FREM3: variants seen among roughly 807,000 people sequenced by gnomAD.
The protein encoded by FREM3 is FRAS1 related extracellular matrix 3.
Under a neutral mutation model 129.1 loss-of-function variants are expected in FREM3, and 105 were observed. That is an observed-to-expected ratio of 0.81 (90% CI 0.69 to 0.96). The LOEUF (loss-of-function observed/expected upper bound fraction) is 0.96. Ranked by LOEUF, FREM3 falls within the 40% of genes least tolerant of loss-of-function variation. The pLI, the probability that FREM3 is intolerant of heterozygous loss-of-function variation, is 0.00. For missense variants in FREM3, 2,593 were observed against 2,666.3 expected (o/e 0.97, Z 0.61); for synonymous variants, 1,014 against 1,044.9 (o/e 0.97, Z 0.57).
intron 2 of FREM3, among the ~76,000 whole-genome samples, chr4:143,640,736 A>G (rs1739308801): frequency 6.6e-6 from 1 of 152,144 alleles, no homozygotes; most frequent in African/African-American, 2.4e-5. Context: ...CAGAACCAGT[A>G]CCTATAGTCA....
In FREM3 at chr4:143,698,524, A is replaced by G. The variant is rs1376299706; in HGVS notation, c.2152T>C (p.Tyr718His). 1.3e-6 allele frequency: 2 copies of G among 1,537,612 alleles called. No homozygotes were observed. Among genetic ancestry groups the G allele is most frequent in the African/African-American group, 1.4e-5 (1 of 73,136 alleles). The change falls in exon 1 of 8, where the codon TAC (tyrosine) becomes CAC (histidine). Residue 718 changes from tyrosine (Y) to histidine (H), a missense_variant. By Grantham distance (83) the Tyr-to-His change is moderately conservative (BLOSUM62 2). This residue lies in a region of FREM3 where 2,276 missense variants were observed against 2,267.2 expected (regional missense o/e 1.00). Coordinates refer to ENST00000329798, the MANE Select transcript of FREM3 (RefSeq NM_001168235.2). ...TTCTTCTGGAAGTGAGTGAGTTGGT[A>G]TTCTTGTACAGTCATTTCTAGTGTA... is the stretch of plus-strand genomic sequence containing the variant. ...GTTLEMTVQE[Y>H]QLTHFQKNFL...
chr4:143,619,887 C>T lies in FREM3; in HGVS notation c.5779+1150G>A, dbSNP rs1397121064. On this transcript the variant is annotated intron_variant, in intron 5 of 7. Coordinates refer to ENST00000329798, the MANE Select transcript of FREM3 (RefSeq NM_001168235.2). Reference sequence around the variant, plus strand: ...TGGGGGTATTATTTAAAAAAAAAACCAAAACATTGTTTGGGAGAGGAAGAA... The same window carrying T: ...TGGGGGTATTATTTAAAAAAAAAACTAAAACATTGTTTGGGAGAGGAAGAA... 2.6e-5 allele frequency among the ~76,000 whole-genome samples: 4 copies of T among 151,748 alleles called. 1 individual carries two copies. In the South Asian group the frequency reaches 6.3e-4, roughly 24 times the overall value.
At chr4:143,593,070 G>A (rs1479664203) in intron 6 of FREM3, among the ~76,000 whole-genome samples, 1 of 152,122 alleles carries the variant, frequency 6.6e-6, no homozygotes, top group Non-Finnish European at 1.5e-5. Context: ...TTCTCGTGCT[G>A]TGGTTTTCAG....
chr4:143,621,172 A>T lies in FREM3; in HGVS notation c.5654-10T>A, dbSNP rs1008617796. ...ATATAAACTGTTGATTCTAGAAAAGATGGCAGAAGACTTTTCACCAAGATT... is the reference window on the plus strand; with the variant it reads ...ATATAAACTGTTGATTCTAGAAAAGTTGGCAGAAGACTTTTCACCAAGATT... On this transcript the variant is annotated splice_polypyrimidine_tract_variant and intron_variant, in intron 4 of 7. Transcript: ENST00000329798. 4.6e-6 allele frequency: 7 copies of T among 1,536,722 alleles called. No homozygotes were observed. Among genetic ancestry groups the T allele is most frequent in the Non-Finnish European group, 6.1e-6 (7 of 1,146,628 alleles).
intron 2 of FREM3, 85 bp downstream of exon 2, chr4:143,693,028 G>T (rs1740500705): frequency 5.1e-6 from 3 of 587,080 alleles, no homozygotes; most frequent in Non-Finnish European, 8.5e-6. Flanking sequence ...GCCTATACTT[G>T]CCCAGAAATG....
At chr4:143,667,359 G>T (rs1242566400) in intron 2 of FREM3, among the ~76,000 whole-genome samples, 1 of 151,756 alleles carries the variant, frequency 6.6e-6, no homozygotes, top group African/African-American at 2.4e-5. Context: ...AAATAATTTT[G>T]CCAACTGAGA....
chr4:143,660,067 G>C (rs1310416192), intron 2 of FREM3, among the ~76,000 whole-genome samples: 4 of 149,088 alleles, frequency 2.7e-5, no homozygotes, highest in African/African-American at 9.9e-5. Flanking sequence ...CTTTTGCTGT[G>C]CAGAAGCTCT....
chr4:143,693,233 A>G lies in FREM3; in HGVS notation c.5186-31T>C, dbSNP rs746169787. The stretch of plus-strand genomic sequence containing the variant: ...AAAAAAGCAACCATCACACAAAGTC[A>G]TATTGGCACAAATGAAAATGAGTAT... On this transcript the variant is annotated intron_variant, in intron 1 of 7. Coordinates refer to ENST00000329798, the MANE Select transcript of FREM3 (RefSeq NM_001168235.2). 5.1e-5 allele frequency: 60 copies of G among 1,170,556 alleles called. No homozygotes were observed. In the South Asian group the frequency reaches 6.5e-4, roughly 13 times the overall value. The allele number at this position is 1,170,556 out of a possible 1,614,324, so 72.5% of individuals were successfully genotyped here. A position where few individuals can be genotyped will look rare whatever the true frequency, so the allele number is the denominator to read the frequency against.
At chr4:143,681,679 T>A (rs1740252758) in intron 2 of FREM3, among the ~76,000 whole-genome samples, 1 of 152,172 alleles carries the variant, frequency 6.6e-6, no homozygotes, top group South Asian at 2.1e-4. Flanking sequence ...AAATTGCCAG[T>A]TAAACTCTAT....
In FREM3 at chr4:143,698,593, C is replaced by T. The variant is rs1263501042; in HGVS notation, c.2083G>A (p.Val695Ile). 2 of 1,537,730 alleles carry T rather than the reference C, an allele frequency of 1.3e-6. No individual in the cohort carries two copies. Among genetic ancestry groups the T allele is most frequent in the Admixed American group, 3.9e-5 (2 of 50,996 alleles). Reference protein sequence around the residue: ...LSKQHIFTIKVQPVDILSPQL... With the variant: ...LSKQHIFTIKIQPVDILSPQL... ...GGACTCAGTATATCCACTGGTTGGA[C>T]CTTGATGGTGAAAATGTGCTGTTTG... Residue 695 changes from valine (V) to isoleucine (I), a missense_variant, in exon 1 of 8, where the codon GTC becomes ATC. By Grantham distance (29) the Val-to-Ile change is conservative. This residue lies in a region of FREM3 where 2,276 missense variants were observed against 2,267.2 expected (regional missense o/e 1.00). Transcript: ENST00000329798.
At chr4:143,693,298 C>A in intron 1 of FREM3, 96 bp from the exon 2 acceptor site, 1 of 470,158 alleles carries the variant, frequency 2.1e-6, no homozygotes, top group South Asian at 5.1e-5. Flanking sequence ...TAGAAATACT[C>A]CAATTAATAA....
At position 143,698,189 on chromosome 4, in the gene FREM3, G is replaced by A; in HGVS notation, c.2487C>T (p.Pro829=). 1 of 1,537,442 alleles carries A rather than the reference G, an allele frequency of 6.5e-7. No individual in the cohort carries two copies. The change falls in exon 1 of 8, where the codon CCC becomes CCT. Residue 829 remains proline, a synonymous_variant. Coordinates refer to ENST00000329798, the MANE Select transcript of FREM3 (RefSeq NM_001168235.2). ...CAAAGCCTCTGTTGGTGACTTCTGG[G>A]GGCTGGTTGTCCACAGGTTGCAGGA... The part of the protein sequence containing the change: ...TLFLQPVDNQ[P]PEVTNRGFAI...
At chr4:143,595,335 G>C (rs1488943178) in intron 6 of FREM3, among the ~76,000 whole-genome samples, 1 of 152,170 alleles carries the variant, frequency 6.6e-6, no homozygotes, top group Non-Finnish European at 1.5e-5. Flanking sequence ...AGAAAAGAAA[G>C]ACAATGCCCA....
intron 2 of FREM3, among the ~76,000 whole-genome samples, chr4:143,676,538 C>A (rs1294731796): frequency 2.6e-5 from 4 of 152,084 alleles, no homozygotes; most frequent in Admixed American, 1.3e-4. Context: ...GAAGTTCTGG[C>A]CAGGGCAATC....
chr4:143,646,406 G>T (rs1233160575), intron 2 of FREM3, among the ~76,000 whole-genome samples: 1 of 152,006 alleles, frequency 6.6e-6, no homozygotes, highest in East Asian at 1.9e-4. Context: ...GATATGATTT[G>T]GTTCTGTGTC....
At chr4:143,671,409 A>T (rs575194980) in intron 2 of FREM3, among the ~76,000 whole-genome samples, 1 of 152,328 alleles carries the variant, frequency 6.6e-6, no homozygotes, top group Non-Finnish European at 1.5e-5. Context: ...ATGTAAATTT[A>T]TCCATCTCTC....
intron 2 of FREM3, among the ~76,000 whole-genome samples, chr4:143,673,225 A>G (rs2149856338): frequency 1.3e-5 from 2 of 152,198 alleles, no homozygotes; most frequent in South Asian, 4.2e-4. Flanking sequence ...TTGTGGTTTT[A>G]TCTACCTTTG....
chr4:143,615,715 AAAC>A (rs1334805104), intron 5 of FREM3, among the ~76,000 whole-genome samples: 65 of 147,994 alleles, frequency 4.4e-4, no homozygotes, highest in African/African-American at 1.7e-3. Context: ...GTCAAAAAAA[AAAC>A]AAAAACCCAA....
chr4:143,628,846 A>G (rs1739091491), intron 2 of FREM3, among the ~76,000 whole-genome samples: 1 of 152,206 alleles, frequency 6.6e-6, no homozygotes, highest in Non-Finnish European at 1.5e-5. Context: ...CATGTGACTT[A>G]CTCATTTCCA....
Sources: allele counts gnomAD v4.1 joint callset (sites outside exome capture counted in the v4.1 genomes callset), GRCh38; gene constraint gnomAD v4.1.1; regional missense constraint gnomAD v4.1.1; transcripts MANE v1.5; gene names NCBI Gene and HGNC (gene_info 2026-07-23, HGNC 2026-07-21).